The following PGAP1 variants were observed in gnomAD, a reference collection of about 807,000 sequenced individuals.
PGAP1 encodes post-GPI attachment to proteins inositol deacylase 1, also known as GPI inositol-deacylase.
Under a neutral mutation model 127.0 loss-of-function variants are expected in PGAP1, and 76 were observed. The observed-to-expected ratio is 0.60, with a 90% CI of 0.50 to 0.72. The LOEUF is 0.72. Among genes scored for constraint, PGAP1 ranks in the 30% least tolerant of loss-of-function variants. The pLI is 0.00. For synonymous variants in PGAP1, 362 were observed against 366.5 expected (o/e 0.99, Z 0.14); for missense variants, 982 against 1,071.3 (o/e 0.92, Z 1.16).
intron 4 of PGAP1, among the ~76,000 whole-genome samples, 192 bp downstream of exon 4, chr2:196,912,690 T>C (rs1442882369): frequency 6.7e-6 from 1 of 150,070 alleles, no homozygotes; most frequent in Admixed American, 6.7e-5. Flanking sequence ...AACTTAACAG[T>C]AGTTTCAATT....
At chr2:196,911,606 TAAAAAAAAAAAAAA>T (rs56107551) in intron 4 of PGAP1, among the ~76,000 whole-genome samples, 7 of 77,294 alleles carry the variant, frequency 9.1e-5, no homozygotes, top group African/African-American at 1.5e-4. Context: ...TAGAGTATAA[TAAAAAAAAAAAAAA>T]AAAAAAAAAA....
At position 196,853,071 on chromosome 2, in the gene PGAP1, A is replaced by C. The variant is rs142423149; in HGVS notation, c.1862-5034T>G. Among the ~76,000 whole-genome samples the C allele has an allele frequency of 1.5e-3, 227 of 152,314 alleles. 1 individual carries two copies. Among genetic ancestry groups the C allele is most frequent in the African/African-American group, 5.2e-3 (218 of 41,574 alleles). On this transcript the variant is annotated intron_variant, in intron 20 of 26. Coordinates refer to ENST00000354764, the MANE Select transcript of PGAP1 (RefSeq NM_024989.4). ...CAAGGCTTTCTTGAAATATTCATTT[A>C]CTCTTAGAAAATTGGAAAGGGTTTT...
At chr2:196,922,615 C>A (rs936347907) in intron 1 of PGAP1, 6 of 714,182 alleles carry the variant, frequency 8.4e-6, no homozygotes, top group African/African-American at 2.1e-5. Context: ...CACACACACA[C>A]AACAAAGCTT....
intron 24 of PGAP1, 98 bp downstream of exon 24, chr2:196,844,426 T>TA: frequency 1.3e-6 from 1 of 749,300 alleles, no homozygotes. Flanking sequence ...CTGTATCTTT[T>TA]AAGCACTATG....
intron 23 of PGAP1, among the ~76,000 whole-genome samples, chr2:196,845,485 T>C (rs572164456): frequency 2.0e-5 from 3 of 151,982 alleles, no homozygotes; most frequent in Non-Finnish European, 4.4e-5. Flanking sequence ...TTTTATATTA[T>C]CTTAGTATGA....
intron 2 of PGAP1, among the ~76,000 whole-genome samples, chr2:196,917,224 A>T (rs1187147320): frequency 6.6e-6 from 1 of 152,196 alleles, no homozygotes; most frequent in South Asian, 2.1e-4. Context: ...CTTTTTAAAA[A>T]ATATATTATA....
chr2:196,839,365 T>C lies in PGAP1; in HGVS notation c.*1869A>G, dbSNP rs990288681. ...GTATAGTTAAACATAGGGAGATGTG[T>C]CCCTATTTAAACATATACGTGGTAT... On this transcript the variant is annotated 3_prime_UTR_variant, in exon 27 of 27. Transcript: ENST00000354764. 2 of 152,200 alleles carry C rather than the reference T, an allele frequency of 1.3e-5. No homozygotes were observed. Among genetic ancestry groups the C allele is most frequent in the African/African-American group, 4.8e-5 (2 of 41,454 alleles). The allele number at this position is 152,200 out of a possible 1,614,324, so 9.4% of individuals were successfully genotyped here. A position where few individuals can be genotyped will look rare whatever the true frequency, so the allele number is the denominator to read the frequency against.
Position 196,833,782 on chromosome 2 carries a change from C to T in PGAP1, c.*7452G>A, listed in dbSNP as rs189575181. 1.0e-3 allele frequency: 156 copies of T among 152,130 alleles called. 3 individuals carry two copies. The highest frequency in any genetic ancestry group is 9.5e-3 in the Admixed American group (146 of 15,288). 9.4% of individuals were successfully genotyped at this position (152,130 alleles called of 1,614,324 possible). A position where few individuals can be genotyped will look rare whatever the true frequency, so the allele number is the denominator to read the frequency against. On this transcript the variant is annotated 3_prime_UTR_variant, in exon 27 of 27. Transcript: ENST00000354764. The stretch of plus-strand genomic sequence containing the variant: ...ACACAGAAATGTGGGCATCTTTTAT[C>T]AGAGACCATGATTATCCTGTGAATA...
intron 20 of PGAP1, among the ~76,000 whole-genome samples, chr2:196,860,879 A>C (rs1048600049): frequency 9.9e-5 from 15 of 152,238 alleles, no homozygotes; most frequent in Admixed American, 8.5e-4. Flanking sequence ...CAAATAGCAA[A>C]AAAAGTCCTG....
At position 196,898,763 on chromosome 2, in the gene PGAP1, C is replaced by T. The variant is rs571325795; in HGVS notation, c.808-394G>A. Among the ~76,000 whole-genome samples, 30 of 152,108 alleles carry T rather than the reference C, an allele frequency of 2.0e-4. No homozygotes were observed. In the East Asian group the frequency reaches 5.0e-3, roughly 25 times the overall value. ...GACATTTTAGTAATTTAAATTTTGACGAAACTACCACTTGATAGATTCTAA... is the reference window on the plus strand; with the variant it reads ...GACATTTTAGTAATTTAAATTTTGATGAAACTACCACTTGATAGATTCTAA... On this transcript the variant is annotated intron_variant, in intron 5 of 26. Coordinates refer to ENST00000354764, the MANE Select transcript of PGAP1 (RefSeq NM_024989.4).
intron 4 of PGAP1, among the ~76,000 whole-genome samples, chr2:196,906,675 C>T (rs1244590968): frequency 2.2e-5 from 1 of 45,184 alleles, no homozygotes; most frequent in African/African-American, 8.3e-5. Context: ...GACATTCAAA[C>T]CAAAGGCAAA....
intron 1 of PGAP1, chr2:196,922,110 T>C: frequency 2.4e-6 from 3 of 1,255,396 alleles, no homozygotes; most frequent in Non-Finnish European, 3.1e-6. Flanking sequence ...TACCTTTGTA[T>C]TTAAATATTA....
rs1700650396 is a variant in PGAP1, at chr2:196,849,355, C to A, written c.1862-1318G>T. ...CTTGGCTCACGGCAACCTCTGCCTC[C>A]CGGGTTCATGCCATTCTCCTGCCTC... On this transcript the variant is annotated intron_variant, in intron 20 of 26. Transcript: ENST00000354764. 2.0e-5 allele frequency among the ~76,000 whole-genome samples: 3 copies of A among 151,526 alleles called. No individual in the cohort carries two copies. In the South Asian group the frequency reaches 6.2e-4, roughly 32 times the overall value.
At chr2:196,892,105 T>C (rs897726505) in intron 9 of PGAP1, among the ~76,000 whole-genome samples, 2 of 151,958 alleles carry the variant, frequency 1.3e-5, no homozygotes, top group African/African-American at 4.8e-5. Flanking sequence ...CATTAATCAA[T>C]AACAACGTAT....
intron 25 of PGAP1, among the ~76,000 whole-genome samples, chr2:196,843,627 T>A (rs560798396): frequency 6.6e-6 from 1 of 152,192 alleles, no homozygotes; most frequent in East Asian, 1.9e-4. Flanking sequence ...AAAATGTGAA[T>A]GTATTAAAAA....
chr2:196,862,502 A>C (rs935072698), intron 20 of PGAP1, among the ~76,000 whole-genome samples: 1 of 152,164 alleles, frequency 6.6e-6, no homozygotes, highest in Non-Finnish European at 1.5e-5. Context: ...TGTAAAGTAC[A>C]TGATCTTTGT....
In PGAP1 at chr2:196,843,993, T is replaced by C. The variant is rs770493268; in HGVS notation, c.2420A>G (p.Asn807Ser). The C allele has an allele frequency of 5.6e-6, 9 of 1,608,930 alleles. No individual in the cohort carries two copies. The highest frequency in any genetic ancestry group is 1.1e-5 in the South Asian group (1 of 90,464). ...CATGCGAAGGCTATCTTCAGCATCG[T>C]TGGCAGATAAACGAAGATGGTGTAT... ...SSIHHLRLSANDAEDSLRMHS... is the reference protein window; with the variant it reads ...SSIHHLRLSASDAEDSLRMHS... Residue 807 changes from asparagine (N) to serine (S), a missense_variant, in exon 25 of 27, where the codon AAC becomes AGC. Asn to Ser is a conservative substitution (Grantham distance 46). Transcript: ENST00000354764.
At chr2:196,867,471 G>A (rs1395721600) in intron 19 of PGAP1, among the ~76,000 whole-genome samples, 4 of 152,148 alleles carry the variant, frequency 2.6e-5, no homozygotes, top group African/African-American at 7.2e-5. Context: ...ACCAGGGCCT[G>A]TCCAGGGGTG....
intron 4 of PGAP1, among the ~76,000 whole-genome samples, chr2:196,911,974 T>C (rs114876763): frequency 0.01 from 1,553 of 152,256 alleles, 24 homozygotes; most frequent in African/African-American, 0.035. Flanking sequence ...CCAGAAGCAA[T>C]TTTGCCAGGG....
Sources: allele counts gnomAD v4.1 joint callset (sites outside exome capture counted in the v4.1 genomes callset), GRCh38; gene constraint gnomAD v4.1.1; transcripts MANE v1.5; gene names NCBI Gene and HGNC (gene_info 2026-07-23, HGNC 2026-07-21).